TTLL11: variants seen among roughly 807,000 people sequenced by gnomAD.
TTLL11 encodes tubulin tyrosine ligase like 11, also known as tubulin polyglutamylase TTLL11.
In TTLL11, 42 loss-of-function variants were observed where a neutral mutation model predicts 51.7. The observed-to-expected ratio is 0.81, with a 90% CI of 0.64 to 1.05. TTLL11 has a LOEUF of 1.05. Among genes scored for constraint, TTLL11 ranks in the 50% least tolerant of loss-of-function variants. The pLI, the probability that TTLL11 is intolerant of heterozygous loss-of-function variation, is 0.00. For synonymous variants in TTLL11, 381 were observed against 383.5 expected (o/e 0.99, Z 0.08); for missense variants, 799 against 940.4 (o/e 0.85, Z 1.97).
At chr9:122,053,851 G>A (rs1845225442) in intron 1 of TTLL11, among the ~76,000 whole-genome samples, 1 of 152,094 alleles carries the variant, frequency 6.6e-6, no homozygotes, top group Non-Finnish European at 1.5e-5. Flanking sequence ...TCTGAAGGGA[G>A]AGGCTCCCAC....
chr9:121,928,770 C>T (rs1223197247), intron 6 of TTLL11, among the ~76,000 whole-genome samples: 2 of 151,824 alleles, frequency 1.3e-5, no homozygotes, highest in Non-Finnish European at 2.9e-5. Flanking sequence ...TGGGGTCTTG[C>T]TATGTTTCCC....
At chr9:121,860,543 A>C in intron 7 of TTLL11, 100 bp from the exon 8 acceptor site, 3 of 933,214 alleles carry the variant, frequency 3.2e-6, no homozygotes, top group Non-Finnish European at 4.9e-6. Flanking sequence ...TCCTCCCCAA[A>C]TCCATAGGTT....
intron 6 of TTLL11, among the ~76,000 whole-genome samples, chr9:121,921,323 T>C (rs1840534819): frequency 6.6e-6 from 1 of 152,150 alleles, no homozygotes; most frequent in Non-Finnish European, 1.5e-5. Context: ...TAGGCAGAGA[T>C]ACAAGTAATG....
intron 6 of TTLL11, among the ~76,000 whole-genome samples, chr9:121,901,691 C>T (rs1306504154): frequency 6.6e-6 from 1 of 151,898 alleles, no homozygotes; most frequent in Non-Finnish European, 1.5e-5. Flanking sequence ...TGTGATCTTT[C>T]AGTGGTCCTG....
chr9:121,920,918 G>C (rs1308507638), intron 6 of TTLL11, among the ~76,000 whole-genome samples: 2 of 152,228 alleles, frequency 1.3e-5, no homozygotes, highest in Non-Finnish European at 1.5e-5. Context: ...AAGGTAAGAA[G>C]AGAGAGCGTC....
chr9:121,910,263 T>G (rs1840070196), intron 6 of TTLL11, among the ~76,000 whole-genome samples: 1 of 152,154 alleles, frequency 6.6e-6, no homozygotes, highest in Non-Finnish European at 1.5e-5. Flanking sequence ...CTATTTGGAT[T>G]TTGTGAATGA....
intron 8 of TTLL11, among the ~76,000 whole-genome samples, chr9:121,833,474 G>A (rs1260092623): frequency 6.6e-6 from 1 of 152,182 alleles, no homozygotes; most frequent in Non-Finnish European, 1.5e-5. Context: ...GCTTAAGGAT[G>A]GGAACAAGAA....
chr9:121,916,899 G>C (rs1448548876), intron 6 of TTLL11, among the ~76,000 whole-genome samples: 6 of 152,162 alleles, frequency 3.9e-5, no homozygotes, highest in Non-Finnish European at 7.3e-5. Context: ...GGTATTTGAG[G>C]GCTGGGGAGC....
intron 2 of TTLL11, among the ~76,000 whole-genome samples, chr9:122,034,103 T>C (rs1844634046): frequency 6.6e-6 from 1 of 152,214 alleles, no homozygotes; most frequent in Non-Finnish European, 1.5e-5. Context: ...AGCACCTTAC[T>C]CCACGTAGAG....
chr9:121,826,493 ATGTG>A (rs777460665), intron 8 of TTLL11, among the ~76,000 whole-genome samples: 28,260 of 84,056 alleles, frequency 0.34, 5,204 homozygotes, highest in East Asian at 0.54. Context: ...ATATATATAT[ATGTG>A]TGTGTATATA....
intron 6 of TTLL11, among the ~76,000 whole-genome samples, chr9:121,886,543 G>C (rs1345151319): frequency 1.3e-5 from 2 of 152,192 alleles, no homozygotes; most frequent in African/African-American, 4.8e-5. Flanking sequence ...TTCTCCTCTA[G>C]AGCTTTGGAG....
intron 1 of TTLL11, among the ~76,000 whole-genome samples, chr9:122,082,036 G>A (rs1156839783): frequency 1.3e-5 from 2 of 152,208 alleles, no homozygotes; most frequent in South Asian, 2.1e-4. Flanking sequence ...GTCTGGCAAA[G>A]ATACACAAGA....
intron 8 of TTLL11, among the ~76,000 whole-genome samples, chr9:121,826,184 C>CCATATAGATA (rs1491277758): frequency 2.0e-5 from 1 of 51,134 alleles, no homozygotes; most frequent in African/African-American, 8.7e-5. Context: ...AACCAGTAAC[C>CCATATAGATA]TATATATATA....
chr9:122,023,236 T>C (rs933456674), intron 3 of TTLL11, among the ~76,000 whole-genome samples: 1 of 151,892 alleles, frequency 6.6e-6, no homozygotes, highest in African/African-American at 2.4e-5. Context: ...AACAAACTAT[T>C]AAAGCTCATT....
intron 6 of TTLL11, among the ~76,000 whole-genome samples, chr9:121,904,749 C>A (rs1839880453): frequency 6.6e-6 from 1 of 152,208 alleles, no homozygotes; most frequent in Non-Finnish European, 1.5e-5. Flanking sequence ...ACAACCTGAC[C>A]AGGATCCCTG....
Position 121,890,772 on chromosome 9 carries a change from G to A in TTLL11, c.1482-20024C>T, listed in dbSNP as rs931389503. Among the ~76,000 whole-genome samples, 1 of 151,974 alleles carries A rather than the reference G, an allele frequency of 6.6e-6. No homozygotes were observed. Among genetic ancestry groups the A allele is most frequent in the African/African-American group, 2.4e-5 (1 of 41,242 alleles). ...GTAAGTGCTCAATAAACACTGGCTAGGTGCATGAATGCATGAATGGGTGCA... is the reference window on the plus strand; with the variant it reads ...GTAAGTGCTCAATAAACACTGGCTAAGTGCATGAATGCATGAATGGGTGCA... On this transcript the variant is annotated intron_variant, in intron 6 of 8. Transcript: ENST00000321582. This position sits in a 1 kb window ranked among gnomAD's most constrained non-coding sequence, Gnocchi z 4.3.
chr9:122,092,194 A>G (rs912501826), intron 1 of TTLL11, among the ~76,000 whole-genome samples: 2 of 152,326 alleles, frequency 1.3e-5, no homozygotes, highest in African/African-American at 4.8e-5. Context: ...GAAGAGGTGA[A>G]GCAACTTACT....
chr9:122,071,173 G>A (rs1412692591), intron 1 of TTLL11, among the ~76,000 whole-genome samples: 1 of 152,138 alleles, frequency 6.6e-6, no homozygotes, highest in African/African-American at 2.4e-5. Flanking sequence ...CTTAGGAGAG[G>A]GCGTGCATGT....
chr9:122,044,357 C>A (rs1392048633), intron 1 of TTLL11, among the ~76,000 whole-genome samples: 1 of 152,066 alleles, frequency 6.6e-6, no homozygotes, highest in Non-Finnish European at 1.5e-5. Flanking sequence ...GATTTATAAT[C>A]CTTTGGGTAT....
Sources: gnomAD v4.1 joint callset for allele counts (sites outside exome capture counted in the v4.1 genomes callset) on GRCh38, gnomAD v4.1.1 for gene constraint, Gnocchi (gnomAD v3.1) non-coding constraint, MANE v1.5 for transcripts, NCBI Gene and HGNC (gene_info 2026-07-23, HGNC 2026-07-21) for gene names.